ZNF266: variants seen among roughly 807,000 people sequenced by gnomAD.
ZNF266 encodes zinc finger protein 266, also known as zinc finger protein 1.
ZNF266 carries 16 observed loss-of-function variants against 16.4 expected under a neutral mutation model. The ratio of observed to expected loss-of-function variants is 0.98; its 90% confidence interval spans 0.66 to 1.48. The LOEUF is 1.48. Ranked by LOEUF, ZNF266 falls within the 40% of genes most tolerant of loss-of-function variation. ZNF266 has a pLI of 0.00. For synonymous variants in ZNF266, 262 were observed against 237.9 expected, an observed-to-expected ratio of 1.10 and a Z score of -0.93; for missense variants, 738 against 689.1, an observed-to-expected ratio of 1.07 and a Z score of -0.79.
chr19:9,417,465 A>G (rs2069212342), intron 9 of ZNF266, among the ~76,000 whole-genome samples: 1 of 151,964 alleles, frequency 6.6e-6, no homozygotes, highest in Non-Finnish European at 1.5e-5. Flanking sequence ...GTGGTGGCTC[A>G]CGCCTGTAAT....
intron 5 of ZNF266, among the ~76,000 whole-genome samples, chr19:9,426,104 C>A (rs573928606): frequency 4.6e-5 from 7 of 152,080 alleles, no homozygotes; most frequent in Admixed American, 2.0e-4. Context: ...GTCTGCTATC[C>A]CCAGGACACT....
intron 5 of ZNF266, among the ~76,000 whole-genome samples, chr19:9,427,044 G>A (rs1160845825): frequency 6.6e-6 from 1 of 152,180 alleles, no homozygotes; most frequent in African/African-American, 2.4e-5. Context: ...ATGGCCCAAT[G>A]TAAGTTACAA....
At chr19:9,426,498 A>AC (rs2070768885) in intron 5 of ZNF266, among the ~76,000 whole-genome samples, 1 of 151,744 alleles carries the variant, frequency 6.6e-6, no homozygotes, top group Admixed American at 6.6e-5. Flanking sequence ...GACCAAAAAA[A>AC]AAGGAAAAAA....
intron 5 of ZNF266, among the ~76,000 whole-genome samples, chr19:9,433,358 CT>C (rs1486263245): frequency 6.6e-6 from 1 of 151,942 alleles, no homozygotes; most frequent in Non-Finnish European, 1.5e-5. Flanking sequence ...GTATGAGTGT[CT>C]ATAAGGAGTC....
chr19:9,425,712 C>A (rs1053577105), intron 5 of ZNF266, among the ~76,000 whole-genome samples: 2 of 152,194 alleles, frequency 1.3e-5, no homozygotes, highest in Admixed American at 1.3e-4. Context: ...ACTCCCATCC[C>A]TAAATTGGGT....
Position 9,415,566 on chromosome 19 carries a change from C to A in ZNF266, c.405+88G>T, listed in dbSNP as rs1206102259. 94 of 1,156,428 alleles carry A rather than the reference C, an allele frequency of 8.1e-5. 1 individual carries two copies. In the Middle Eastern group the frequency reaches 1.5e-3, roughly 18 times the overall value. The allele number at this position is 1,156,428 out of a possible 1,614,324, so 71.6% of individuals were successfully genotyped here. On this transcript the variant is annotated intron_variant, in intron 10 of 10. Transcript: ENST00000592904. ...GTGCTGGGATTACAGGTGTGAGCCA[C>A]CATTCCCAGCTTTATTCTGATTTTC...
intron 5 of ZNF266, among the ~76,000 whole-genome samples, chr19:9,423,921 C>G (rs1391964637): frequency 6.6e-6 from 1 of 152,132 alleles, no homozygotes; most frequent in Non-Finnish European, 1.5e-5. Context: ...GGCTTGAACC[C>G]GGGAGGTGGA....
intron 3 of ZNF266, 56 bp from the exon 4 acceptor site, chr19:9,434,291 T>G (rs2072104003): frequency 6.6e-6 from 1 of 152,216 alleles, no homozygotes; most frequent in Admixed American, 6.5e-5. Flanking sequence ...CTTACAGACC[T>G]TCATCAATTT....
At chr19:9,421,799 G>GGGTA (rs1306024435) in intron 5 of ZNF266, among the ~76,000 whole-genome samples, 1 of 152,042 alleles carries the variant, frequency 6.6e-6, no homozygotes, top group Non-Finnish European at 1.5e-5. Context: ...CAACATTACT[G>GGGTA]GGTAGATAGA....
intron 5 of ZNF266, among the ~76,000 whole-genome samples, chr19:9,425,973 C>T (rs1324851468): frequency 6.6e-6 from 1 of 152,160 alleles, no homozygotes; most frequent in Non-Finnish European, 1.5e-5. Context: ...GACCGGCATT[C>T]TGACTGCCCA....
chr19:9,424,963 T>A (rs1392958675), intron 5 of ZNF266, among the ~76,000 whole-genome samples: 1 of 152,142 alleles, frequency 6.6e-6, no homozygotes, highest in South Asian at 2.1e-4. Flanking sequence ...AAAAGTGAAA[T>A]ATGCCAGTTA....
chr19:9,428,289 T>G, intron 5 of ZNF266, among the ~76,000 whole-genome samples: 1 of 152,158 alleles, frequency 6.6e-6, no homozygotes, highest in East Asian at 1.9e-4. Flanking sequence ...GAGGCCTCCT[T>G]AGGCCACGAT....
At chr19:9,427,406 G>A (rs996777424) in intron 5 of ZNF266, among the ~76,000 whole-genome samples, 14 of 151,888 alleles carry the variant, frequency 9.2e-5, no homozygotes, top group African/African-American at 3.1e-4. Context: ...TGCAACCTCC[G>A]CCACCCAGGG....
chr19:9,419,394 T>C (rs1978712), intron 6 of ZNF266, 95 bp from the exon 7 acceptor site: 92,758 of 152,456 alleles, frequency 0.61, 28,857 homozygotes, highest in African/African-American at 0.73. Context: ...GTGAGATTCC[T>C]ATATACTCCC....
At chr19:9,414,839 A>C (rs911408184) in intron 10 of ZNF266, 119 bp from the exon 11 acceptor site, 2 of 1,182,246 alleles carry the variant, frequency 1.7e-6, no homozygotes, top group Non-Finnish European at 2.3e-6. Context: ...TTCATTACAC[A>C]CATATAAGTA....
At chr19:9,423,295 T>C (rs755272321) in intron 5 of ZNF266, among the ~76,000 whole-genome samples, 1 of 152,150 alleles carries the variant, frequency 6.6e-6, no homozygotes, top group Non-Finnish European at 1.5e-5. Context: ...TATCAGGAAA[T>C]TGTCAAAGAC....
rs543424082 is a variant in ZNF266 at position 9,416,370 on chromosome 19, T to G, written c.317-628A>C. ...GGAGCTTGTTTTTGTTTTTTGTTTTTTTTTTTTTTTGAGAAAGACTTTCAC... is the reference window on the plus strand; with the variant it reads ...GGAGCTTGTTTTTGTTTTTTGTTTTGTTTTTTTTTTGAGAAAGACTTTCAC... On this transcript the variant is annotated intron_variant, in intron 9 of 10. Transcript: ENST00000592904. Among the ~76,000 whole-genome samples the G allele has an allele frequency of 4.8e-3, 723 of 150,438 alleles. 9 individuals carry two copies. Among genetic ancestry groups the G allele is most frequent in the African/African-American group, 0.017 (683 of 41,000 alleles).
chr19:9,424,362 C>T (rs1363223051), intron 5 of ZNF266, among the ~76,000 whole-genome samples: 1 of 152,150 alleles, frequency 6.6e-6, no homozygotes, highest in African/African-American at 2.4e-5. Context: ...CCGAGTACTT[C>T]TATACTCCAT....
At chr19:9,421,594 T>C (rs1245030508) in intron 5 of ZNF266, among the ~76,000 whole-genome samples, 1 of 152,200 alleles carries the variant, frequency 6.6e-6, no homozygotes, top group Non-Finnish European at 1.5e-5. Flanking sequence ...TGTGATTTCC[T>C]TCATTTAGCA....
Sources: allele counts gnomAD v4.1 joint callset (sites outside exome capture counted in the v4.1 genomes callset), GRCh38; gene constraint gnomAD v4.1.1; transcripts MANE v1.5; gene names NCBI Gene and HGNC (gene_info 2026-07-23, HGNC 2026-07-21).